Variants in GRB2 observed in about 807,000 individuals in gnomAD.
GRB2 encodes the protein growth factor receptor bound protein 2, also known as growth factor receptor-bound protein 2.
In GRB2, 2 loss-of-function variants were observed where a neutral mutation model predicts 27.4. That is an observed-to-expected ratio of 0.07 (90% CI 0.03 to 0.23). The LOEUF (loss-of-function observed/expected upper bound fraction) is 0.23. GRB2 is among the 10% of genes least tolerant of loss of function. GRB2 has a pLI of 1.00. For synonymous variants in GRB2, 94 were observed against 99.6 expected (o/e 0.94, Z 0.33); for missense variants, 102 against 282.4 (o/e 0.36, Z 4.58).
chr17:75,336,189 A>C (rs2078575760), intron 2 of GRB2, among the ~76,000 whole-genome samples: 1 of 151,960 alleles, frequency 6.6e-6, no homozygotes, highest in Non-Finnish European at 1.5e-5. Context: ...AATAATAAAA[A>C]CCCCACAGGC....
Position 75,320,614 on chromosome 17 carries a change from G to A in GRB2, c.469-61C>T, listed in dbSNP as rs548918842. The A allele has an allele frequency of 3.8e-5, 50 of 1,310,784 alleles. 1 individual carries two copies. In the Admixed American group the frequency reaches 5.2e-4, roughly 14 times the overall value. The allele number at this position is 1,310,784 out of a possible 1,614,324, so 81.2% of individuals were successfully genotyped here. The stretch of plus-strand genomic sequence containing the variant: ...TCCTGGTCTGTGACTGGCCACCTCC[G>A]AGGCCAGATGGGTTCCAGGGGGAAA... On this transcript the variant is annotated intron_variant, in intron 5 of 5. Coordinates refer to ENST00000316804, the MANE Select transcript of GRB2 (RefSeq NM_002086.5). The surrounding 1 kb of genome is among the most constrained non-coding windows in gnomAD (Gnocchi z 4.3).
At chr17:75,404,163 TAGAA>T (rs1355328002) in intron 1 of GRB2, among the ~76,000 whole-genome samples, 1 of 150,170 alleles carries the variant, frequency 6.7e-6, no homozygotes, top group Non-Finnish European at 1.5e-5. Context: ...AAAGACATAC[TAGAA>T]GAAAACATAA....
At chr17:75,402,233 GTA>G (rs1321357753) in intron 1 of GRB2, among the ~76,000 whole-genome samples, 1 of 152,184 alleles carries the variant, frequency 6.6e-6, no homozygotes, top group Admixed American at 6.5e-5. Flanking sequence ...GGTACTGGAA[GTA>G]TAGTTTTTAC....
chr17:75,378,214 A>G (rs1175624528), intron 2 of GRB2, among the ~76,000 whole-genome samples: 1 of 152,078 alleles, frequency 6.6e-6, no homozygotes, highest in Non-Finnish European at 1.5e-5. Context: ...ACATGGTGAA[A>G]CACCGTCTCT....
At chr17:75,327,830 C>G (rs1304022027) in intron 3 of GRB2, among the ~76,000 whole-genome samples, 2 of 152,122 alleles carry the variant, frequency 1.3e-5, no homozygotes, top group African/African-American at 4.8e-5. Flanking sequence ...CCTCTAGGGA[C>G]TCTTAGTAAC....
At chr17:75,399,288 C>A (rs1487981748) in intron 1 of GRB2, among the ~76,000 whole-genome samples, 1 of 151,478 alleles carries the variant, frequency 6.6e-6, no homozygotes, top group Non-Finnish European at 1.5e-5. Flanking sequence ...CCTGGACTCA[C>A]GTGATCCTCC....
At chr17:75,378,717 C>T (rs1186786035) in intron 2 of GRB2, among the ~76,000 whole-genome samples, 1 of 152,144 alleles carries the variant, frequency 6.6e-6, no homozygotes, top group Non-Finnish European at 1.5e-5. Context: ...AGTTTACGAA[C>T]AACTACAGTA....
At chr17:75,346,358 C>T (rs918259817) in intron 2 of GRB2, among the ~76,000 whole-genome samples, 5 of 151,404 alleles carry the variant, frequency 3.3e-5, no homozygotes, top group Non-Finnish European at 5.9e-5. Flanking sequence ...TATCTGGGCA[C>T]GGTGGCGGGC....
At chr17:75,378,536 T>C (rs2078908991) in intron 2 of GRB2, among the ~76,000 whole-genome samples, 1 of 152,154 alleles carries the variant, frequency 6.6e-6, no homozygotes, top group African/African-American at 2.4e-5. Flanking sequence ...GAGAAAAACA[T>C]ATAGAAATTT....
At chr17:75,332,032 G>A (rs140009414) in intron 3 of GRB2, among the ~76,000 whole-genome samples, 3 of 152,216 alleles carry the variant, frequency 2.0e-5, no homozygotes, top group East Asian at 1.9e-4. Flanking sequence ...CACTTGTAAG[G>A]CAAGCCAGCA....
At chr17:75,397,606 T>C (rs544453095) in intron 1 of GRB2, among the ~76,000 whole-genome samples, 2 of 152,158 alleles carry the variant, frequency 1.3e-5, no homozygotes, top group African/African-American at 4.8e-5. Context: ...CAGTCCAGTA[T>C]AGCTTAGTGT....
At chr17:75,404,900 T>C (rs2079088830) in intron 1 of GRB2, 1 of 152,194 alleles carries the variant, frequency 6.6e-6, no homozygotes, top group South Asian at 2.1e-4. Context: ...GCCGCAATCC[T>C]TCCTCGGTGC....
intron 1 of GRB2, among the ~76,000 whole-genome samples, chr17:75,396,454 G>A (rs569234519): frequency 6.6e-6 from 1 of 152,220 alleles, no homozygotes; most frequent in Admixed American, 6.5e-5. Context: ...TGTGAGACCA[G>A]TCCAGTATAG....
intron 2 of GRB2, among the ~76,000 whole-genome samples, chr17:75,388,724 G>A (rs1200151184): frequency 6.6e-6 from 1 of 151,816 alleles, no homozygotes; most frequent in African/African-American, 2.4e-5. Context: ...CTTCAGGCTT[G>A]CACGAGCATG....
At chr17:75,374,625 A>G (rs969967593) in intron 2 of GRB2, among the ~76,000 whole-genome samples, 1 of 151,460 alleles carries the variant, frequency 6.6e-6, no homozygotes, top group Non-Finnish European at 1.5e-5. Flanking sequence ...ACACACACAC[A>G]AACACACACA....
At chr17:75,397,259 A>G (rs2079034568) in intron 1 of GRB2, among the ~76,000 whole-genome samples, 1 of 152,210 alleles carries the variant, frequency 6.6e-6, no homozygotes, top group South Asian at 2.1e-4. Context: ...AAAAAAATCT[A>G]ACACATACAC....
chr17:75,404,437 G>A (rs1190534555), intron 1 of GRB2, among the ~76,000 whole-genome samples: 1 of 150,974 alleles, frequency 6.6e-6, no homozygotes, highest in Admixed American at 6.6e-5. Flanking sequence ...GGAAAAAGAC[G>A]GAATCTTGAA....
intron 2 of GRB2, among the ~76,000 whole-genome samples, chr17:75,392,865 G>A (rs972322709): frequency 1.3e-5 from 2 of 152,140 alleles, no homozygotes; most frequent in Non-Finnish European, 1.5e-5. Context: ...GCTGCACATG[G>A]TATAGAAGCT....
At chr17:75,393,409 A>G in intron 2 of GRB2, 142 bp downstream of exon 2, 2 of 732,384 alleles carry the variant, frequency 2.7e-6, no homozygotes, top group Non-Finnish European at 2.4e-6. Context: ...CTCAGCATCT[A>G]AAGCTCTCCA....
Sources: allele counts gnomAD v4.1 joint callset (sites outside exome capture counted in the v4.1 genomes callset), GRCh38; gene constraint gnomAD v4.1.1; non-coding constraint Gnocchi (gnomAD v3.1); transcripts MANE v1.5; gene names NCBI Gene and HGNC (gene_info 2026-07-23, HGNC 2026-07-21).